The following DMXL1 variants were observed in gnomAD, a reference collection of about 807,000 sequenced individuals.
The protein encoded by DMXL1 is dmX-like protein 1.
A neutral mutation model predicts 319.2 loss-of-function variants in DMXL1; 99 were observed. That is an observed-to-expected ratio of 0.31 (90% CI 0.26 to 0.37). DMXL1 has a LOEUF of 0.37. DMXL1 is among the 10% of genes least tolerant of loss of function. DMXL1 has a pLI of 1.00. For missense variants in DMXL1, 3,745 were observed against 3,595.6 expected (o/e 1.04, Z -1.06); for synonymous variants, 1,385 against 1,235.2 (o/e 1.12, Z -2.54).
intron 5 of DMXL1, among the ~76,000 whole-genome samples, chr5:119,112,436 A>G (rs1293238397): frequency 6.6e-6 from 1 of 152,216 alleles, no homozygotes; most frequent in Non-Finnish European, 1.5e-5. Context: ...AGGGGTAGAT[A>G]GAAAATAAAC....
intron 32 of DMXL1, among the ~76,000 whole-genome samples, chr5:119,201,275 G>C (rs1780662637): frequency 6.6e-6 from 1 of 152,122 alleles, no homozygotes; most frequent in Non-Finnish European, 1.5e-5. Context: ...TTTTTACATG[G>C]ATTGATGTTG....
At chr5:119,166,125 C>T (rs1049987271) in intron 21 of DMXL1, among the ~76,000 whole-genome samples, 1 of 152,146 alleles carries the variant, frequency 6.6e-6, no homozygotes, top group Non-Finnish European at 1.5e-5. Flanking sequence ...AATAGTTCAT[C>T]ATTTGTTTTG....
intron 8 of DMXL1, 83 bp downstream of exon 8, chr5:119,119,087 A>G (rs1761468307): frequency 1.2e-6 from 1 of 863,738 alleles, no homozygotes; most frequent in Admixed American, 3.3e-5. Context: ...AATGTTATAA[A>G]AAAACTATAT....
At chr5:119,121,949 C>T (rs1762178156) in intron 9 of DMXL1, among the ~76,000 whole-genome samples, 1 of 148,044 alleles carries the variant, frequency 6.8e-6, no homozygotes, top group Non-Finnish European at 1.5e-5. Flanking sequence ...GGGCGGCTGG[C>T]CGGGCAGAGT....
intron 31 of DMXL1, among the ~76,000 whole-genome samples, chr5:119,196,697 G>C (rs565259644): frequency 6.6e-6 from 1 of 152,160 alleles, no homozygotes; most frequent in South Asian, 2.1e-4. Context: ...TGACTGTCTT[G>C]AGACTCTATT....
rs773591355 is a variant in DMXL1 at position 119,216,094 on chromosome 5, C to CAAAA, written c.7927-782_7927-779dup. Among the ~76,000 whole-genome samples, 41 of 37,358 alleles carry CAAAA rather than the reference C, an allele frequency of 1.1e-3. 6 individuals are homozygous for CAAAA. The highest frequency in any genetic ancestry group is 2.2e-3 in the African/African-American group (22 of 10,210). The allele number at this position is 37,358 out of a possible 152,430, so 24.5% of individuals were successfully genotyped here. ...GCCTGGGCGACAAGAGCATCCATCT[C>CAAAA]AAAAAAAAAAAAAAAAAAAAAAAAA... On this transcript the variant is annotated intron_variant, in intron 34 of 43. Coordinates refer to ENST00000539542, the MANE Select transcript of DMXL1 (RefSeq NM_001290321.3).
At chr5:119,075,771 C>T (rs1395544166) in intron 1 of DMXL1, among the ~76,000 whole-genome samples, 1 of 151,590 alleles carries the variant, frequency 6.6e-6, no homozygotes, top group Non-Finnish European at 1.5e-5. Flanking sequence ...CCTTATGTTG[C>T]CCAGGCTGAT....
chr5:119,112,454 C>G (rs1759849651), intron 5 of DMXL1, among the ~76,000 whole-genome samples: 1 of 152,080 alleles, frequency 6.6e-6, no homozygotes, highest in Non-Finnish European at 1.5e-5. Context: ...AACCAGTAAA[C>G]TGGTGTAACA....
intron 1 of DMXL1, among the ~76,000 whole-genome samples, chr5:119,096,433 G>A (rs1755988164): frequency 6.6e-6 from 1 of 152,038 alleles, no homozygotes; most frequent in African/African-American, 2.4e-5. Flanking sequence ...GCCTCAGCCT[G>A]CCAAAGTGCT....
chr5:119,134,482 A>G lies in DMXL1; in HGVS notation c.2376+93A>G, dbSNP rs994905195. The G allele has an allele frequency of 3.8e-6, 4 of 1,046,992 alleles. No individual in the cohort carries two copies. In the African/African-American group the frequency reaches 6.4e-5, roughly 17 times the overall value. 64.9% of individuals were successfully genotyped at this position (1,046,992 alleles called of 1,614,324 possible). A position where few individuals can be genotyped will look rare whatever the true frequency, so the allele number is the denominator to read the frequency against. ...GGCATGTTCTACAATTGTGACCTAT[A>G]ATTTGTAATAAGCATTTGTATCTTT... On this transcript the variant is annotated intron_variant, in intron 13 of 43. Transcript: ENST00000539542.
intron 13 of DMXL1, among the ~76,000 whole-genome samples, chr5:119,137,056 G>A (rs1766168325): frequency 6.6e-6 from 1 of 152,236 alleles, no homozygotes; most frequent in Admixed American, 6.5e-5. Flanking sequence ...CTCAACACTA[G>A]CCTGTGAAAG....
intron 15 of DMXL1, among the ~76,000 whole-genome samples, chr5:119,145,348 A>G (rs898782402): frequency 6.6e-6 from 1 of 151,634 alleles, no homozygotes; most frequent in Admixed American, 6.6e-5. Context: ...AGTACTCCTT[A>G]GAGTTCTGCA....
chr5:119,177,993 T>C lies in DMXL1; in HGVS notation c.6887-3T>C. 3 of 1,591,120 alleles carry C rather than the reference T, an allele frequency of 1.9e-6. No individual in the cohort carries two copies. The highest frequency in any genetic ancestry group is 2.6e-6 in the Non-Finnish European group (3 of 1,166,380). On this transcript the variant is annotated splice_polypyrimidine_tract_variant and splice_region_variant and intron_variant, in intron 27 of 43. Coordinates refer to ENST00000539542, the MANE Select transcript of DMXL1 (RefSeq NM_001290321.3). ...TGACAGCTATGTTTGTTTGTCGTTC[T>C]AGGAATAACTTGTCTAATTCGACTT... is the stretch of plus-strand genomic sequence containing the variant.
At position 119,149,347 on chromosome 5, in the gene DMXL1, G is replaced by A. The variant is rs372489829; in HGVS notation, c.3520G>A (p.Asp1174Asn). The change falls in exon 18 of 44, where the codon GAC (aspartate) becomes AAC (asparagine). Residue 1174 changes from aspartate (D) to asparagine (N), a missense_variant. Around this residue, in one of 4 missense-constraint regions of DMXL1, gnomAD observed 2,096 missense variants for 1,985.4 expected, o/e 1.06. Coordinates refer to ENST00000539542, the MANE Select transcript of DMXL1 (RefSeq NM_001290321.3). ...MYGPLAGKVQ[D>N]QTGKETLAFP... ...TGGACCCCTGGCTGGCAAGGTACAAGACCAAACTGGTAAGGAAACCCTGGC... is the reference window on the plus strand; with the variant it reads ...TGGACCCCTGGCTGGCAAGGTACAAAACCAAACTGGTAAGGAAACCCTGGC... 57 of 1,613,806 alleles carry A rather than the reference G, an allele frequency of 3.5e-5. No individual in the cohort carries two copies. The highest frequency in any genetic ancestry group is 1.4e-5 in the Non-Finnish European group (16 of 1,179,876).
Position 119,170,995 on chromosome 5 carries a change from A to G in DMXL1, c.6204A>G (p.Ile2068Met), listed in dbSNP as rs529883127. 6.2e-7 allele frequency: 1 copy of G among 1,613,946 alleles called. No individual in the cohort carries two copies. Among genetic ancestry groups the G allele is most frequent in the African/African-American group, 1.3e-5 (1 of 75,012 alleles). Residue 2068 changes from isoleucine to methionine, a missense_variant, in exon 24 of 44, where the codon ATA (isoleucine) becomes ATG (methionine). By Grantham distance (10) the Ile-to-Met change is conservative. Transcript: ENST00000539542. ...QLYHWLEKEVIALQRTCDFCS... is the reference protein window; with the variant it reads ...QLYHWLEKEVMALQRTCDFCS... ...ACCACTGGCTTGAAAAAGAGGTGAT[A>G]GCTCTTCAGAGGACTTGTGACTTTT...
At chr5:119,158,234 GATTA>G (rs900562055) in intron 19 of DMXL1, among the ~76,000 whole-genome samples, 16 of 147,984 alleles carry the variant, frequency 1.1e-4, no homozygotes, top group Non-Finnish European at 2.2e-4. Flanking sequence ...AAGTAGCAAT[GATTA>G]ATGAGATTGT....
intron 32 of DMXL1, among the ~76,000 whole-genome samples, chr5:119,199,862 C>T (rs2150430178): frequency 6.6e-6 from 1 of 152,256 alleles, no homozygotes; most frequent in East Asian, 1.9e-4. Flanking sequence ...GGCTTATTGG[C>T]ACGTACGTCT....
chr5:119,091,697 C>G (rs534020105), intron 1 of DMXL1, among the ~76,000 whole-genome samples: 7 of 152,272 alleles, frequency 4.6e-5, no homozygotes, highest in Admixed American at 4.6e-4. Context: ...AGTAAACCAT[C>G]AAAGGGCTGC....
At chr5:119,162,009 C>A (rs907778206) in intron 19 of DMXL1, among the ~76,000 whole-genome samples, 1 of 152,186 alleles carries the variant, frequency 6.6e-6, no homozygotes, top group Non-Finnish European at 1.5e-5. Flanking sequence ...CACATTGTTT[C>A]CCTTGAGGTG....
Sources: gnomAD v4.1 joint callset for allele counts (sites outside exome capture counted in the v4.1 genomes callset) on GRCh38, gnomAD v4.1.1 for gene constraint, gnomAD v4.1.1 regional missense constraint, MANE v1.5 for transcripts, NCBI Gene and HGNC (gene_info 2026-07-23, HGNC 2026-07-21) for gene names.